Variants in SND1 observed in about 807,000 individuals in gnomAD.
SND1 encodes the protein staphylococcal nuclease and tudor domain containing 1, also known as staphylococcal nuclease domain-containing protein 1.
SND1 carries 38 observed loss-of-function variants against 121.7 expected under a neutral mutation model. That is an observed-to-expected ratio of 0.31 (90% CI 0.24 to 0.41). The LOEUF (loss-of-function observed/expected upper bound fraction) is 0.41. SND1 is among the 10% of genes least tolerant of loss of function. SND1 has a pLI of 1.00. For missense variants in SND1, 868 were observed against 1,184.6 expected, an observed-to-expected ratio of 0.73 and a Z score of 3.92; for synonymous variants, 401 against 447.4, an observed-to-expected ratio of 0.90 and a Z score of 1.31.
chr7:127,869,890 T>C (rs1047665443), intron 12 of SND1, among the ~76,000 whole-genome samples: 1 of 152,214 alleles, frequency 6.6e-6, no homozygotes, highest in Non-Finnish European at 1.5e-5. Context: ...ATTACATAAA[T>C]GGAATCATAA....
At chr7:128,054,215 C>G (rs967300756) in intron 16 of SND1, among the ~76,000 whole-genome samples, 11 of 152,352 alleles carry the variant, frequency 7.2e-5, no homozygotes, top group African/African-American at 2.6e-4. Context: ...CTCCAGGAGA[C>G]AGCCCTCCAG....
intron 1 of SND1, among the ~76,000 whole-genome samples, chr7:127,652,677 C>T (rs1795142853): frequency 6.6e-6 from 1 of 152,194 alleles, no homozygotes; most frequent in African/African-American, 2.4e-5. Context: ...CAGTGATTTC[C>T]GAGGTTGCGG....
intron 9 of SND1, among the ~76,000 whole-genome samples, chr7:127,715,162 TTG>T (rs1441512682): frequency 1.7e-4 from 3 of 17,596 alleles, no homozygotes; most frequent in Admixed American, 6.7e-4. Flanking sequence ...TTTTTTGGTT[TTG>T]TTTTTTTTTT....
At chr7:127,739,563 C>G (rs1236075210) in intron 10 of SND1, among the ~76,000 whole-genome samples, 1 of 152,090 alleles carries the variant, frequency 6.6e-6, no homozygotes, top group Non-Finnish European at 1.5e-5. Context: ...TGTTCTGTCC[C>G]CTGGGTGGGT....
At chr7:128,048,410 A>G (rs1203562215) in intron 16 of SND1, among the ~76,000 whole-genome samples, 1 of 151,958 alleles carries the variant, frequency 6.6e-6, no homozygotes, top group Non-Finnish European at 1.5e-5. Context: ...ATTTGTGGGC[A>G]TGTTTGCATG....
chr7:128,029,676 TTGG>T lies in SND1; in HGVS notation c.1779+38624_1779+38626del. Reference sequence around the variant, plus strand: ...ATGACAGCGGCCACAGCAGGTGGAATTGGTGGGTATATACTCTCGAAGCCACCA... The same window carrying T: ...ATGACAGCGGCCACAGCAGGTGGAATTGGGTATATACTCTCGAAGCCACCA... On this transcript the variant is annotated intron_variant, in intron 16 of 23. Coordinates refer to ENST00000354725, the MANE Select transcript of SND1 (RefSeq NM_014390.4). This position sits in a 1 kb window ranked among gnomAD's most constrained non-coding sequence, Gnocchi z 4.2. 1 of 1,613,878 alleles carries T rather than the reference TTGG, an allele frequency of 6.2e-7. No individual in the cohort carries two copies. The highest frequency in any genetic ancestry group is 2.2e-5 in the East Asian group (1 of 44,884).
At chr7:127,877,705 T>C (rs979135944) in intron 12 of SND1, among the ~76,000 whole-genome samples, 1 of 152,046 alleles carries the variant, frequency 6.6e-6, no homozygotes, top group Non-Finnish European at 1.5e-5. Context: ...AGTGCTAGGA[T>C]TACAGACATG....
intron 10 of SND1, among the ~76,000 whole-genome samples, chr7:127,730,249 G>C (rs1290137723): frequency 6.6e-6 from 1 of 152,218 alleles, no homozygotes; most frequent in East Asian, 1.9e-4. Context: ...TTACAGGTGT[G>C]AGCCACCGCG....
chr7:127,963,252 CT>C (rs56243600), intron 15 of SND1, among the ~76,000 whole-genome samples: 58,259 of 143,996 alleles, frequency 0.4, 11,677 homozygotes, highest in South Asian at 0.53. Context: ...TATTTCTTTT[CT>C]TTTTTTTTTT....
intron 14 of SND1, among the ~76,000 whole-genome samples, chr7:127,919,052 A>G (rs565863842): frequency 1.3e-5 from 2 of 152,336 alleles, no homozygotes; most frequent in Admixed American, 6.5e-5. Flanking sequence ...TTAATGCTTT[A>G]AAAATGTAAG....
intron 10 of SND1, among the ~76,000 whole-genome samples, chr7:127,804,906 G>C (rs1174703219): frequency 6.6e-6 from 1 of 152,154 alleles, no homozygotes; most frequent in African/African-American, 2.4e-5. Flanking sequence ...GTCCACTGTT[G>C]TTTGGTGAAT....
chr7:127,922,198 T>TTG (rs1800731596), intron 14 of SND1, among the ~76,000 whole-genome samples: 2 of 126,872 alleles, frequency 1.6e-5, no homozygotes, highest in Non-Finnish European at 3.2e-5. Context: ...TTTTTTTTTT[T>TTG]TTTTTGTTTT....
chr7:127,680,091 G>A (rs1450840371), intron 1 of SND1, among the ~76,000 whole-genome samples: 1 of 152,138 alleles, frequency 6.6e-6, no homozygotes, highest in Non-Finnish European at 1.5e-5. Flanking sequence ...TCACATGTCG[G>A]TAGGTTCCGT....
chr7:127,678,104 G>T (rs1015599037), intron 1 of SND1, among the ~76,000 whole-genome samples: 10 of 152,200 alleles, frequency 6.6e-5, no homozygotes, highest in African/African-American at 2.2e-4. Flanking sequence ...GATTTAATCA[G>T]TAGGTAACCT....
intron 14 of SND1, among the ~76,000 whole-genome samples, chr7:127,919,818 G>T (rs1800660281): frequency 6.6e-6 from 1 of 152,118 alleles, no homozygotes; most frequent in South Asian, 2.1e-4. Flanking sequence ...AAATAGAAAT[G>T]CTACTTTTAA....
In SND1 at chr7:128,029,149, T is replaced by G. The variant is rs746290650; in HGVS notation, c.1779+38093T>G. ...ACTGCCACCTGCTTGGGCACACGGG[T>G]AGTCTGAATGAGCACCGTGGTAGAG... On this transcript the variant is annotated intron_variant, in intron 16 of 23. Coordinates refer to ENST00000354725, the MANE Select transcript of SND1 (RefSeq NM_014390.4). The surrounding 1 kb of genome is among the most constrained non-coding windows in gnomAD (Gnocchi z 4.2). The G allele has an allele frequency of 2.5e-6, 4 of 1,613,690 alleles. No individual in the cohort carries two copies. Among genetic ancestry groups the G allele is most frequent in the Non-Finnish European group, 2.5e-6 (3 of 1,179,980 alleles).
At chr7:127,962,433 G>C (rs968884505) in intron 15 of SND1, among the ~76,000 whole-genome samples, 5 of 152,174 alleles carry the variant, frequency 3.3e-5, no homozygotes, top group African/African-American at 1.2e-4. Flanking sequence ...GGCAAAATGT[G>C]TTATCTGTCC....
chr7:127,921,010 A>G (rs1800695440), intron 14 of SND1, among the ~76,000 whole-genome samples: 1 of 152,218 alleles, frequency 6.6e-6, no homozygotes, highest in Non-Finnish European at 1.5e-5. Flanking sequence ...ATATGGTTAA[A>G]TTTGGGAAAC....
At chr7:128,088,397 G>A (rs1793720581) in intron 21 of SND1, among the ~76,000 whole-genome samples, 1 of 150,542 alleles carries the variant, frequency 6.6e-6, no homozygotes, top group South Asian at 2.1e-4. Context: ...CAAGTTCAAG[G>A]TTGCAGTGAG....
Sources: allele counts gnomAD v4.1 joint callset (sites outside exome capture counted in the v4.1 genomes callset), GRCh38; gene constraint gnomAD v4.1.1; non-coding constraint Gnocchi (gnomAD v3.1); transcripts MANE v1.5; gene names NCBI Gene and HGNC (gene_info 2026-07-23, HGNC 2026-07-21).